GRIN2A: variants seen among roughly 807,000 people sequenced by gnomAD.
The protein encoded by GRIN2A is glutamate receptor ionotropic, NMDA 2A.
In GRIN2A, 22 loss-of-function variants were observed where a neutral mutation model predicts 113.4. The observed-to-expected ratio is 0.19, with a 90% CI of 0.14 to 0.28. The LOEUF is 0.28. Among genes scored for constraint, GRIN2A ranks in the 10% least tolerant of loss-of-function variants. The probability of loss-of-function intolerance (pLI) is 1.00; values close to 1 mark genes in which losing one functional copy is unlikely to be tolerated. For synonymous variants in GRIN2A, 827 were observed against 738.4 expected, an observed-to-expected ratio of 1.12 and a Z score of -1.94; for missense variants, 1,502 against 1,887.0, an observed-to-expected ratio of 0.80 and a Z score of 3.78.
At chr16:9,905,192 G>C (rs888463351) in intron 3 of GRIN2A, among the ~76,000 whole-genome samples, 2 of 152,190 alleles carry the variant, frequency 1.3e-5, no homozygotes, top group Non-Finnish European at 2.9e-5. Flanking sequence ...CAATCATTTA[G>C]AGTTTAAGGG....
chr16:10,054,337 A>T (rs1030515214), intron 2 of GRIN2A, among the ~76,000 whole-genome samples: 2 of 152,260 alleles, frequency 1.3e-5, no homozygotes, highest in South Asian at 2.1e-4. Flanking sequence ...CAAATTGAAG[A>T]CCATGGTTAG....
At chr16:9,959,548 T>C (rs537532656) in intron 2 of GRIN2A, among the ~76,000 whole-genome samples, 1 of 152,376 alleles carries the variant, frequency 6.6e-6, no homozygotes, top group African/African-American at 2.4e-5. Flanking sequence ...GTATCAACTC[T>C]TCACCTGGGA....
At chr16:10,109,015 A>T (rs1312206703) in intron 2 of GRIN2A, among the ~76,000 whole-genome samples, 2 of 13,420 alleles carry the variant, frequency 1.5e-4, no homozygotes, top group Non-Finnish European at 3.8e-4. Flanking sequence ...GATTCTCTTT[A>T]AAAAAAAAAA....
chr16:10,125,352 G>A (rs1219474016), intron 2 of GRIN2A, among the ~76,000 whole-genome samples: 1 of 152,128 alleles, frequency 6.6e-6, no homozygotes, highest in African/African-American at 2.4e-5. Flanking sequence ...GGCTTTCCCT[G>A]GAAGTCCCAA....
At chr16:9,946,159 C>G (rs1026154430) in intron 2 of GRIN2A, among the ~76,000 whole-genome samples, 1 of 152,170 alleles carries the variant, frequency 6.6e-6, no homozygotes, top group Non-Finnish European at 1.5e-5. Flanking sequence ...TGCTGAGATT[C>G]AGACCCTTAT....
intron 4 of GRIN2A, among the ~76,000 whole-genome samples, chr16:9,860,445 CAAAAA>C (rs35715098): frequency 4.0e-4 from 23 of 57,952 alleles, no homozygotes; most frequent in Non-Finnish European, 5.7e-4. Flanking sequence ...AAGAGTCTCT[CAAAAA>C]AAAAAAAAAA....
At chr16:10,162,363 A>G (rs1596566842) in intron 2 of GRIN2A, among the ~76,000 whole-genome samples, 1 of 151,976 alleles carries the variant, frequency 6.6e-6, no homozygotes, top group African/African-American at 2.4e-5. Flanking sequence ...AGCTCTAACT[A>G]CCTCCCAACC....
intron 11 of GRIN2A, among the ~76,000 whole-genome samples, chr16:9,773,015 C>T (rs1369030143): frequency 6.6e-6 from 1 of 151,448 alleles, no homozygotes; most frequent in Non-Finnish European, 1.5e-5. Context: ...TTTCCTGCCT[C>T]GTGGCCCTCT....
At chr16:9,921,360 C>T (rs145690634) in intron 3 of GRIN2A, among the ~76,000 whole-genome samples, 7 of 152,286 alleles carry the variant, frequency 4.6e-5, no homozygotes, top group East Asian at 3.9e-4. Flanking sequence ...AAGACGTCCT[C>T]GGACCGCATG....
intron 2 of GRIN2A, among the ~76,000 whole-genome samples, chr16:9,980,278 A>G (rs1024041981): frequency 1.3e-5 from 2 of 151,944 alleles, no homozygotes; most frequent in African/African-American, 4.8e-5. Flanking sequence ...AAAAAAAAAA[A>G]AGAGAGTGAT....
chr16:9,827,912 T>C (rs1460192647), intron 9 of GRIN2A, among the ~76,000 whole-genome samples: 1 of 152,240 alleles, frequency 6.6e-6, no homozygotes, highest in Non-Finnish European at 1.5e-5. Context: ...TTATCTTCTT[T>C]ATAATACTTA....
At position 9,762,604 on chromosome 16, in the gene GRIN2A, CAAG is replaced by C. The variant is rs760275969; in HGVS notation, c.*542_*544del. The C allele has an allele frequency of 4.2e-5, 10 of 238,142 alleles. No homozygotes were observed. The highest frequency in any genetic ancestry group is 8.3e-5 in the Non-Finnish European group (10 of 120,890). The allele number at this position is 238,142 out of a possible 1,614,324, so 14.8% of individuals were successfully genotyped here. ...GCCTGGGCTGTGATGGAAGGCATAA[CAAG>C]AAAGCTGAAACTGTTACGAGCCAAA... On this transcript the variant is annotated 3_prime_UTR_variant, in exon 13 of 13. Transcript: ENST00000330684.
At chr16:9,770,826 A>G (rs1032208112) in intron 11 of GRIN2A, among the ~76,000 whole-genome samples, 21 of 152,202 alleles carry the variant, frequency 1.4e-4, no homozygotes, top group African/African-American at 4.6e-4. Flanking sequence ...GAAAAACTGA[A>G]CAGAAAGTAC....
At position 9,764,480 on chromosome 16, in the gene GRIN2A, G is replaced by A. The variant is rs560057284; in HGVS notation, c.3064C>T (p.Arg1022Cys). The A allele has an allele frequency of 6.9e-5, 111 of 1,614,078 alleles. No homozygotes were observed. The highest frequency in any genetic ancestry group is 2.9e-4 in the East Asian group (13 of 44,870). Residue 1022 changes from arginine to cysteine, a missense_variant, in exon 13 of 13, where the codon CGC (arginine) becomes TGC (cysteine). By Grantham distance (180) the Arg-to-Cys change is radical. Coordinates refer to ENST00000330684, the MANE Select transcript of GRIN2A (RefSeq NM_001134407.3). ...GGATTCTGGGATAGTGAATCCTGGC[G>A]TATGGAATCCACGGATTTCTTCCAC... ...QLWKKSVDSIRQDSLSQNPVS... is the reference protein window; with the variant it reads ...QLWKKSVDSICQDSLSQNPVS...
chr16:9,930,778 C>A (rs1240301441), intron 3 of GRIN2A, among the ~76,000 whole-genome samples: 1 of 152,158 alleles, frequency 6.6e-6, no homozygotes, highest in African/African-American at 2.4e-5. Flanking sequence ...AATATGTCAA[C>A]CAGGTTTAGC....
intron 2 of GRIN2A, among the ~76,000 whole-genome samples, chr16:10,045,493 G>C (rs2141971277): frequency 6.6e-6 from 1 of 152,148 alleles, no homozygotes; most frequent in South Asian, 2.1e-4. Flanking sequence ...TGAGAGAGAG[G>C]TTCAAAGTGG....
At chr16:9,982,973 C>A (rs896082032) in intron 2 of GRIN2A, among the ~76,000 whole-genome samples, 14 of 152,076 alleles carry the variant, frequency 9.2e-5, no homozygotes, top group Non-Finnish European at 1.8e-4. Flanking sequence ...ATCATAAGTT[C>A]ATACTGATAC....
chr16:9,780,703 T>A (rs1901887205), intron 11 of GRIN2A, among the ~76,000 whole-genome samples: 1 of 152,214 alleles, frequency 6.6e-6, no homozygotes, highest in Non-Finnish European at 1.5e-5. Context: ...ATGTCATAGT[T>A]TATAGAAGGT....
intron 2 of GRIN2A, among the ~76,000 whole-genome samples, chr16:10,019,328 T>C (rs1193146105): frequency 1.3e-5 from 2 of 152,230 alleles, no homozygotes; most frequent in East Asian, 1.9e-4. Flanking sequence ...ATCACTATTA[T>C]TAAGTTGTAA....
Sources: allele counts gnomAD v4.1 joint callset (sites outside exome capture counted in the v4.1 genomes callset), GRCh38; gene constraint gnomAD v4.1.1; transcripts MANE v1.5; gene names NCBI Gene and HGNC (gene_info 2026-07-23, HGNC 2026-07-21).